HS6ST3: variants seen among roughly 807,000 people sequenced by gnomAD.
HS6ST3 encodes the protein heparan sulfate 6-O-sulfotransferase 3, also known as heparan-sulfate 6-O-sulfotransferase 3.
In HS6ST3, 12 loss-of-function variants were observed where a neutral mutation model predicts 36.7. That is an observed-to-expected ratio of 0.33 (90% CI 0.21 to 0.53). HS6ST3 has a LOEUF of 0.53. HS6ST3 is among the 20% of genes least tolerant of loss of function. The probability of loss-of-function intolerance (pLI) is 0.95; values close to 1 mark genes in which losing one functional copy is unlikely to be tolerated. For missense variants in HS6ST3, 584 were observed against 640.9 expected (o/e 0.91, Z 0.96); for synonymous variants, 240 against 257.5 (o/e 0.93, Z 0.65).
chr13:96,778,966 A>G (rs538590046), intron 1 of HS6ST3, among the ~76,000 whole-genome samples: 1 of 152,338 alleles, frequency 6.6e-6, no homozygotes, highest in South Asian at 2.1e-4. Flanking sequence ...TGGCACATAT[A>G]CACCATGGAA....
intron 1 of HS6ST3, among the ~76,000 whole-genome samples, chr13:96,428,206 G>A (rs768924774): frequency 1.3e-5 from 2 of 151,976 alleles, no homozygotes; most frequent in Admixed American, 6.6e-5. Flanking sequence ...AAAATTAGCC[G>A]GGCATGGTGG....
Position 96,252,236 on chromosome 13 carries a change from G to A in HS6ST3, c.707+160667G>A, listed in dbSNP as rs143556404. On this transcript the variant is annotated intron_variant, in intron 1 of 1. Transcript: ENST00000376705. The stretch of plus-strand genomic sequence containing the variant: ...GGGTACATGTATATTTACAATTGAT[G>A]TATTCTCTTGATGAATTGACCCCAT... Among the ~76,000 whole-genome samples the A allele has an allele frequency of 4.0e-4, 61 of 152,282 alleles. 3 individuals are homozygous for A. In the East Asian group the frequency reaches 6.6e-3, roughly 16 times the overall value.
chr13:96,315,158 A>C (rs2054961992), intron 1 of HS6ST3, among the ~76,000 whole-genome samples: 1 of 152,198 alleles, frequency 6.6e-6, no homozygotes. Flanking sequence ...ATAACATACT[A>C]CACCCAGTGT....
At position 96,792,340 on chromosome 13, in the gene HS6ST3, C is replaced by T. The variant is rs138827126; in HGVS notation, c.708-40150C>T. Among the ~76,000 whole-genome samples the T allele has an allele frequency of 1.5e-3, 226 of 151,980 alleles. 1 individual carries two copies. Among genetic ancestry groups the T allele is most frequent in the African/African-American group, 5.2e-3 (216 of 41,494 alleles). On this transcript the variant is annotated intron_variant, in intron 1 of 1. Transcript: ENST00000376705. ...GCTTCTTGGGAGCTCACAGCCCTAG[C>T]ACATCTTGACATTTTGAAAAAAACT...
chr13:96,412,302 C>G (rs180906223), intron 1 of HS6ST3, among the ~76,000 whole-genome samples: 14 of 152,094 alleles, frequency 9.2e-5, no homozygotes, highest in African/African-American at 3.4e-4. Context: ...TGCACCTGGC[C>G]GTGCCTGATA....
intron 1 of HS6ST3, among the ~76,000 whole-genome samples, chr13:96,209,182 A>G (rs2054386585): frequency 6.6e-6 from 1 of 152,244 alleles, no homozygotes; most frequent in Non-Finnish European, 1.5e-5. Flanking sequence ...TGTCTATGTA[A>G]TTCCTTGATC....
At chr13:96,650,866 C>A (rs181681026) in intron 1 of HS6ST3, among the ~76,000 whole-genome samples, 1 of 152,066 alleles carries the variant, frequency 6.6e-6, no homozygotes, top group Non-Finnish European at 1.5e-5. Flanking sequence ...TCCATTCATT[C>A]TGTCCATTAA....
At chr13:96,703,995 C>T (rs1381921188) in intron 1 of HS6ST3, among the ~76,000 whole-genome samples, 1 of 152,198 alleles carries the variant, frequency 6.6e-6, no homozygotes, top group Non-Finnish European at 1.5e-5. Flanking sequence ...TCTAAGTTTC[C>T]TGAGGCCTCC....
intron 1 of HS6ST3, among the ~76,000 whole-genome samples, chr13:96,581,514 G>A (rs1202022902): frequency 2.0e-5 from 3 of 152,130 alleles, no homozygotes; most frequent in East Asian, 1.9e-4. Flanking sequence ...GAGCCACCGC[G>A]CCTGGCCAAC....
chr13:96,520,996 CT>C (rs1299520667), intron 1 of HS6ST3, among the ~76,000 whole-genome samples: 37 of 152,110 alleles, frequency 2.4e-4, no homozygotes, highest in Non-Finnish European at 2.6e-4. Context: ...TCATATATAA[CT>C]CTTATTTAAA....
chr13:96,766,679 C>T (rs1236486169), intron 1 of HS6ST3, among the ~76,000 whole-genome samples: 1 of 152,154 alleles, frequency 6.6e-6, no homozygotes, highest in African/African-American at 2.4e-5. Context: ...ATTTCTGAGG[C>T]AACCTTGCAC....
At chr13:96,628,422 C>T (rs927815813) in intron 1 of HS6ST3, among the ~76,000 whole-genome samples, 5 of 151,766 alleles carry the variant, frequency 3.3e-5, no homozygotes, top group African/African-American at 1.2e-4. Context: ...TTTATGGCCT[C>T]TTCTGGACAA....
At chr13:96,103,915 T>G (rs1014007418) in intron 1 of HS6ST3, among the ~76,000 whole-genome samples, 1 of 151,840 alleles carries the variant, frequency 6.6e-6, no homozygotes, top group Admixed American at 6.6e-5. Flanking sequence ...GAAACCTTTT[T>G]TCCTCCTAGG....
At position 96,479,120 on chromosome 13, in the gene HS6ST3, T is replaced by C. The variant is rs543761139; in HGVS notation, c.708-353370T>C. Among the ~76,000 whole-genome samples the C allele has an allele frequency of 7.2e-5, 11 of 152,278 alleles. No homozygotes were observed. In the South Asian group the frequency reaches 1.9e-3, roughly 26 times the overall value. ...TGTCAAGGGGACAGGTGATTATATA[T>C]CCTGACCTTTAGCAGGAGTGAGCAG... On this transcript the variant is annotated intron_variant, in intron 1 of 1. Coordinates refer to ENST00000376705, the MANE Select transcript of HS6ST3 (RefSeq NM_153456.4).
intron 1 of HS6ST3, among the ~76,000 whole-genome samples, chr13:96,473,294 G>C (rs1041417647): frequency 4.6e-5 from 7 of 152,200 alleles, no homozygotes; most frequent in African/African-American, 1.4e-4. Flanking sequence ...AGGGTGATGA[G>C]TGTAGCCACG....
intron 1 of HS6ST3, among the ~76,000 whole-genome samples, chr13:96,494,658 A>AACAC (rs537636727): frequency 7.3e-5 from 11 of 150,786 alleles, no homozygotes; most frequent in African/African-American, 2.2e-4. Flanking sequence ...CCTGTTTCAA[A>AACAC]ACACACACAC....
At chr13:96,623,559 C>CT (rs1019516367) in intron 1 of HS6ST3, among the ~76,000 whole-genome samples, 74 of 152,198 alleles carry the variant, frequency 4.9e-4, no homozygotes, top group African/African-American at 1.5e-3. Context: ...AGATAAGTGT[C>CT]TGAGTAGTTC....
At chr13:96,585,915 T>C (rs2056359417) in intron 1 of HS6ST3, among the ~76,000 whole-genome samples, 1 of 152,198 alleles carries the variant, frequency 6.6e-6, no homozygotes, top group Non-Finnish European at 1.5e-5. Context: ...TAAATATGTA[T>C]ACTGATTTAA....
chr13:96,351,715 T>C (rs2055185177), intron 1 of HS6ST3, among the ~76,000 whole-genome samples: 1 of 152,174 alleles, frequency 6.6e-6, no homozygotes, highest in African/African-American at 2.4e-5. Flanking sequence ...TTTTTAGAGG[T>C]AATATTTACT....
Sources: allele counts gnomAD v4.1 joint callset (sites outside exome capture counted in the v4.1 genomes callset), GRCh38; gene constraint gnomAD v4.1.1; transcripts MANE v1.5; gene names NCBI Gene and HGNC (gene_info 2026-07-23, HGNC 2026-07-21).